CYP2J2: variants seen among roughly 807,000 people sequenced by gnomAD.
CYP2J2 encodes cytochrome P450 2J2.
Under a neutral mutation model 48.8 loss-of-function variants are expected in CYP2J2, and 41 were observed. The observed-to-expected ratio is 0.84, with a 90% CI of 0.66 to 1.09. The LOEUF (loss-of-function observed/expected upper bound fraction) is 1.09. Ranked by LOEUF, CYP2J2 falls within the 50% of genes least tolerant of loss-of-function variation. The pLI, the probability that CYP2J2 is intolerant of heterozygous loss-of-function variation, is 0.00. For missense variants in CYP2J2, 644 were observed against 617.3 expected (o/e 1.04, Z -0.46); for synonymous variants, 221 against 227.1 (o/e 0.97, Z 0.24).
the CYP2J2 span, among the ~76,000 whole-genome samples, chr1:59,937,355 G>C: frequency 0.011 from 1,700 of 152,168 alleles, 25 homozygotes; most frequent in African/African-American, 0.039. Context: ...TAGTTGGCAA[G>C]GTAGACTGGC....
intron 5 of CYP2J2, among the ~76,000 whole-genome samples, chr1:59,908,379 C>T (rs185063938): frequency 1.6e-4 from 24 of 152,228 alleles, no homozygotes; most frequent in Non-Finnish European, 2.2e-4. Flanking sequence ...AATGCAAGGA[C>T]GCAGAGCAAA....
chr1:59,902,114 C>A (rs943863727), intron 7 of CYP2J2, among the ~76,000 whole-genome samples: 1 of 152,130 alleles, frequency 6.6e-6, no homozygotes, highest in African/African-American at 2.4e-5. Context: ...TTTGCCTTGC[C>A]AGGAATGTTC....
In CYP2J2 at chr1:59,904,911, A is replaced by C. The variant is rs373306418; in HGVS notation, c.1151T>G (p.Val384Gly). The C allele has an allele frequency of 6.2e-7, 1 of 1,613,816 alleles. No homozygotes were observed. Reference sequence around the variant, plus strand: ...CCCAGCCAAAGTGGTATCAACTGTCACTTCCCTGGGAACGTTCAGGGGGAT... The same window carrying C: ...CCCAGCCAAAGTGGTATCAACTGTCCCTTCCCTGGGAACGTTCAGGGGGAT... ...NIIPLNVPRE[V>G]TVDTTLAGYH... Residue 384 changes from valine to glycine, a missense_variant, in exon 7 of 9, where the codon GTG (valine) becomes GGG (glycine). Transcript: ENST00000371204.
the CYP2J2 span, among the ~76,000 whole-genome samples, chr1:59,957,136 G>C: frequency 6.6e-6 from 1 of 152,106 alleles, no homozygotes; most frequent in South Asian, 2.1e-4. Context: ...AATTGTTTTT[G>C]TTTTTAAACC....
At chr1:59,954,038 G>A in the CYP2J2 span, among the ~76,000 whole-genome samples, 1 of 152,184 alleles carries the variant, frequency 6.6e-6, no homozygotes, top group Non-Finnish European at 1.5e-5. Context: ...CCAATAAAAT[G>A]TGAGAAGTAA....
chr1:59,959,617 ATG>A, the CYP2J2 span, among the ~76,000 whole-genome samples: 1 of 150,982 alleles, frequency 6.6e-6, no homozygotes, highest in African/African-American at 2.4e-5. Flanking sequence ...ATATGTATAT[ATG>A]TGATATATAT....
upstream of CYP2J2, among the ~76,000 whole-genome samples, chr1:59,929,767 G>A (rs1371097274): frequency 6.6e-6 from 1 of 152,050 alleles, no homozygotes; most frequent in Non-Finnish European, 1.5e-5. Context: ...GAGAAATGTG[G>A]GACATCACTA....
At chr1:59,906,463 T>A (rs1644365421) in intron 6 of CYP2J2, among the ~76,000 whole-genome samples, 1 of 152,044 alleles carries the variant, frequency 6.6e-6, no homozygotes, top group Admixed American at 6.6e-5. Context: ...TTTTTTTTTT[T>A]ACCTGAAAGC....
In CYP2J2 at chr1:59,907,923, G is replaced by C; in HGVS notation, c.866C>G (p.Thr289Arg). ...ATGGAAACTTGAAGTAGGATTGCCT[G>C]TGTGCTAGAAAACACAATGTTTGAT... The part of the protein sequence containing the change: ...DAYLKEMSKH[T>R]GNPTSSFHEE... The change falls in exon 6 of 9, where the codon ACA (threonine) becomes AGA (arginine). Residue 289 changes from threonine to arginine, a missense_variant. By Grantham distance (71) the Thr-to-Arg change is moderately conservative. Transcript: ENST00000371204. 2 of 1,613,964 alleles carry C rather than the reference G, an allele frequency of 1.2e-6. No homozygotes were observed. The highest frequency in any genetic ancestry group is 1.7e-6 in the Non-Finnish European group (2 of 1,179,856).
the CYP2J2 span, among the ~76,000 whole-genome samples, chr1:59,956,351 CAGAATGTGAAATTAT>C: frequency 6.6e-6 from 1 of 152,110 alleles, no homozygotes; most frequent in Non-Finnish European, 1.5e-5. Flanking sequence ...GATGTTCCAT[CAGAATGTGAAATTAT>C]AGTGTGCTCC....
Position 59,911,673 on chromosome 1 carries a change from A to T in CYP2J2, c.619T>A (p.Trp207Arg), listed in dbSNP as rs768945422. Residue 207 changes from tryptophan (W) to arginine (R), a missense_variant, in exon 4 of 9, where the codon TGG becomes AGG. By Grantham distance (101) the Trp-to-Arg change is moderately radical. Transcript: ENST00000371204. The stretch of plus-strand genomic sequence containing the variant: ...AGTAACTTCAGCAGCTGCTGAAACC[A>T]ACTATCCTGGTACTCAAAGCGTTCT... The part of the protein sequence containing the change: ...FGERFEYQDS[W>R]FQQLLKLLDE... 9 of 1,613,560 alleles carry T rather than the reference A, an allele frequency of 5.6e-6. No homozygotes were observed. In the Admixed American group the frequency reaches 1.5e-4, roughly 27 times the overall value.
chr1:59,908,075 G>T, intron 5 of CYP2J2, 148 bp from the exon 6 acceptor site: 1 of 711,280 alleles, frequency 1.4e-6, no homozygotes, highest in Non-Finnish European at 2.4e-6. Context: ...TCAGAAGGCA[G>T]ACTCTTATTA....
At chr1:59,915,079 T>C (rs1325159599) in intron 2 of CYP2J2, among the ~76,000 whole-genome samples, 1 of 152,242 alleles carries the variant, frequency 6.6e-6, no homozygotes, top group Non-Finnish European at 1.5e-5. Context: ...CTTGAACTTA[T>C]TTGTGACACA....
chr1:59,950,250 T>A, the CYP2J2 span, among the ~76,000 whole-genome samples: 2 of 152,172 alleles, frequency 1.3e-5, no homozygotes, highest in Non-Finnish European at 2.9e-5. Context: ...ACACTGCTCT[T>A]CTCCAGTCAG....
the CYP2J2 span, among the ~76,000 whole-genome samples, chr1:59,956,863 T>C: frequency 6.6e-6 from 1 of 152,214 alleles, no homozygotes; most frequent in Non-Finnish European, 1.5e-5. Context: ...TGGTGACTTC[T>C]GATGCTGAGT....
intron 7 of CYP2J2, among the ~76,000 whole-genome samples, chr1:59,901,914 G>A (rs2102109511): frequency 6.6e-6 from 1 of 152,062 alleles, no homozygotes; most frequent in East Asian, 1.9e-4. Flanking sequence ...CACCTCCACA[G>A]CCCCCACTGC....
At chr1:59,910,188 C>CA (rs202197670) in intron 4 of CYP2J2, among the ~76,000 whole-genome samples, 3,568 of 149,954 alleles carry the variant, frequency 0.024, 150 homozygotes, top group African/African-American at 0.081. Flanking sequence ...AGCTTGCCAC[C>CA]AAAAAAAAAT....
the CYP2J2 span, among the ~76,000 whole-genome samples, chr1:59,949,701 C>G: frequency 7.2e-6 from 1 of 139,856 alleles, no homozygotes. Flanking sequence ...TGACTGGAAG[C>G]TTTTTTTTTT....
intron 1 of CYP2J2, among the ~76,000 whole-genome samples, chr1:59,918,890 A>G (rs1256869389): frequency 6.6e-6 from 1 of 152,240 alleles, no homozygotes; most frequent in African/African-American, 2.4e-5. Flanking sequence ...GTGGAACAAA[A>G]TAAATGTTTA....
Sources: gnomAD v4.1 joint callset for allele counts (sites outside exome capture counted in the v4.1 genomes callset) on GRCh38, gnomAD v4.1.1 for gene constraint, MANE v1.5 for transcripts, NCBI Gene and HGNC (gene_info 2026-07-23, HGNC 2026-07-21) for gene names.